The following KLHL14 variants were observed in gnomAD, a reference collection of about 807,000 sequenced individuals.
KLHL14 encodes kelch like family member 14, also known as kelch-like protein 14.
In KLHL14, 22 loss-of-function variants were observed where a neutral mutation model predicts 64.3. That is an observed-to-expected ratio of 0.34 (90% CI 0.24 to 0.49). KLHL14 has a LOEUF of 0.49. Ranked by LOEUF, KLHL14 falls within the 20% of genes least tolerant of loss-of-function variation. The pLI, the probability that KLHL14 is intolerant of heterozygous loss-of-function variation, is 0.99. For synonymous variants in KLHL14, 322 were observed against 333.4 expected, an observed-to-expected ratio of 0.97 and a Z score of 0.37; for missense variants, 661 against 789.0, an observed-to-expected ratio of 0.84 and a Z score of 1.94.
chr18:32,702,674 C>A (rs1465701506), intron 3 of KLHL14, among the ~76,000 whole-genome samples: 1 of 152,026 alleles, frequency 6.6e-6, no homozygotes, highest in East Asian at 1.9e-4. Flanking sequence ...TAAATGGAAA[C>A]ATTTTGTGTA....
Position 32,770,301 on chromosome 18 carries a change from C to T in KLHL14, c.291G>A (p.Gln97=), listed in dbSNP as rs2050374846. Residue 97 remains glutamine (Q), a synonymous_variant, in exon 2 of 9, where the codon CAG becomes CAA. Transcript: ENST00000359358. This position sits in a 1 kb window ranked among gnomAD's most constrained non-coding sequence, Gnocchi z 6.7. ...PPQQQPSQQQ[Q]PPPQEEPGTP... is the part of the protein sequence containing the mutation. Reference sequence around the variant, plus strand: ...TCCCGGGCTCCTCCTGCGGCGGCGGCTGCTGCTGCTGTGACGGCTGCTGCT... The same window carrying T: ...TCCCGGGCTCCTCCTGCGGCGGCGGTTGCTGCTGCTGTGACGGCTGCTGCT... The T allele has an allele frequency of 6.9e-6, 11 of 1,583,486 alleles. No individual in the cohort carries two copies. Among genetic ancestry groups the T allele is most frequent in the Non-Finnish European group, 9.4e-6 (11 of 1,164,680 alleles).
At chr18:32,676,542 G>A (rs528611141) in intron 8 of KLHL14, among the ~76,000 whole-genome samples, 25 of 152,228 alleles carry the variant, frequency 1.6e-4, no homozygotes, top group Admixed American at 5.2e-4. Flanking sequence ...GTAAGTTAAT[G>A]ATTTTTAAAA....
rs1408485265 is a variant in KLHL14 at position 32,680,434 on chromosome 18, C to T, written c.1404G>A (p.Val468=). The part of the protein sequence containing the change: ...PQPLAAHAGA[V]HNGKIYISGG... ...CTGAAATGTATATTTTCCCATTGTG[C>T]ACTGCTCCCGCATGAGCCGCCAGAG... Residue 468 remains valine, a synonymous_variant, in exon 6 of 9, where the codon GTG becomes GTA. Coordinates refer to ENST00000359358, the MANE Select transcript of KLHL14 (RefSeq NM_020805.3). This position sits in a 1 kb window ranked among gnomAD's most constrained non-coding sequence, Gnocchi z 4.8. 2 of 1,613,974 alleles carry T rather than the reference C, an allele frequency of 1.2e-6. No individual in the cohort carries two copies. The highest frequency in any genetic ancestry group is 2.2e-5 in the East Asian group (1 of 44,872).
intron 3 of KLHL14, among the ~76,000 whole-genome samples, chr18:32,711,696 C>A (rs2050020252): frequency 6.6e-6 from 1 of 152,134 alleles, no homozygotes; most frequent in Admixed American, 6.6e-5. Context: ...ATCCATTAAG[C>A]CTGACTCTTT....
At chr18:32,739,555 GT>G (rs1231392943) in intron 3 of KLHL14, among the ~76,000 whole-genome samples, 3 of 152,032 alleles carry the variant, frequency 2.0e-5, no homozygotes, top group Non-Finnish European at 4.4e-5. Flanking sequence ...GTTAAGTAGA[GT>G]AAACATTTAT....
intron 4 of KLHL14, among the ~76,000 whole-genome samples, chr18:32,690,442 G>T (rs1431631240): frequency 6.6e-6 from 1 of 152,098 alleles, no homozygotes; most frequent in East Asian, 1.9e-4. Context: ...AAGACAGCCA[G>T]GTTTTGGCTG....
At chr18:32,742,542 TTAG>T (rs2050204284) in intron 2 of KLHL14, among the ~76,000 whole-genome samples, 2 of 152,306 alleles carry the variant, frequency 1.3e-5, no homozygotes, top group South Asian at 4.1e-4. Flanking sequence ...TTTGGTACAA[TTAG>T]TAGCACAGGG....
At chr18:32,732,363 A>C (rs1186786131) in intron 3 of KLHL14, among the ~76,000 whole-genome samples, 2 of 152,268 alleles carry the variant, frequency 1.3e-5, no homozygotes, top group African/African-American at 4.8e-5. Flanking sequence ...TCACAGGAGA[A>C]GTGAGAATAT....
intron 5 of KLHL14, among the ~76,000 whole-genome samples, chr18:32,684,460 T>C (rs2049860677): frequency 6.6e-6 from 1 of 151,868 alleles, no homozygotes; most frequent in Non-Finnish European, 1.5e-5. Flanking sequence ...GCCCCGTCAA[T>C]CTTGCAGCTC....
At position 32,680,742 on chromosome 18, in the gene KLHL14, T is replaced by C. The variant is rs1438458027; in HGVS notation, c.1239-143A>G. On this transcript the variant is annotated intron_variant, in intron 5 of 8. Coordinates refer to ENST00000359358, the MANE Select transcript of KLHL14 (RefSeq NM_020805.3). This position sits in a 1 kb window ranked among gnomAD's most constrained non-coding sequence, Gnocchi z 4.8. ...GTTGCAAATCTTTAAAAATTACACGTATACCTTATAATTCTGAGACCTTCT... is the reference window on the plus strand; with the variant it reads ...GTTGCAAATCTTTAAAAATTACACGCATACCTTATAATTCTGAGACCTTCT... 1.4e-6 allele frequency: 1 copy of C among 704,982 alleles called. No individual in the cohort carries two copies. Among genetic ancestry groups the C allele is most frequent in the Non-Finnish European group, 2.3e-6 (1 of 430,166 alleles). The allele number at this position is 704,982 out of a possible 1,614,324, so 43.7% of individuals were successfully genotyped here. A position where few individuals can be genotyped will look rare whatever the true frequency, so the allele number is the denominator to read the frequency against.
Position 32,695,477 on chromosome 18 carries a change from TG to T in KLHL14, c.1144del (p.Gln382SerfsTer47). ...NFLFVLGGED[Q>X]WNPNGKHSTN... The stretch of plus-strand genomic sequence containing the variant: ...TCAATAGTTACCATTCGGATTCCAC[TG>T]GTCCTCTCCACCCAACACGAACAAG... On this transcript the variant is annotated frameshift_variant, in exon 4 of 9. Transcript: ENST00000359358. LOFTEE classifies it high-confidence loss of function. The T allele has an allele frequency of 6.2e-7, 1 of 1,610,484 alleles. No homozygotes were observed. The highest frequency in any genetic ancestry group is 8.5e-7 in the Non-Finnish European group (1 of 1,176,900).
intron 4 of KLHL14, among the ~76,000 whole-genome samples, chr18:32,693,400 A>G (rs2049919072): frequency 8.2e-6 from 1 of 121,546 alleles, no homozygotes; most frequent in Non-Finnish European, 1.8e-5. Context: ...ACACACACAC[A>G]CACACACACA....
chr18:32,721,962 G>C (rs1266965992), intron 3 of KLHL14, among the ~76,000 whole-genome samples: 1 of 152,110 alleles, frequency 6.6e-6, no homozygotes. Flanking sequence ...CTCATGTCAT[G>C]GGAGGGATCC....
At chr18:32,685,756 T>C (rs1404567071) in intron 5 of KLHL14, among the ~76,000 whole-genome samples, 2 of 152,208 alleles carry the variant, frequency 1.3e-5, no homozygotes, top group Non-Finnish European at 2.9e-5. Flanking sequence ...TTAATATATT[T>C]ACCAGTATAT....
chr18:32,747,893 A>G (rs1568081665), intron 2 of KLHL14, among the ~76,000 whole-genome samples: 1 of 152,114 alleles, frequency 6.6e-6, no homozygotes, highest in African/African-American at 2.4e-5. Context: ...ATGCGTGACT[A>G]TTTTTTAACA....
chr18:32,761,393 C>CTTTTTTTTT (rs10676001), intron 2 of KLHL14, among the ~76,000 whole-genome samples: 1 of 127,088 alleles, frequency 7.9e-6, no homozygotes. Flanking sequence ...GCCACACATC[C>CTTTTTTTTT]TTTTTTTTTT....
chr18:32,720,908 T>C (rs1359790039), intron 3 of KLHL14, among the ~76,000 whole-genome samples: 1 of 152,208 alleles, frequency 6.6e-6, no homozygotes, highest in Non-Finnish European at 1.5e-5. Flanking sequence ...CTTCTTCACA[T>C]GTTTATAATG....
chr18:32,759,166 T>C (rs761143564), intron 2 of KLHL14, among the ~76,000 whole-genome samples: 1 of 152,212 alleles, frequency 6.6e-6, no homozygotes, highest in African/African-American at 2.4e-5. Flanking sequence ...AATTTTCTGA[T>C]GGCATGAATA....
At chr18:32,738,670 C>A (rs1045234357) in intron 3 of KLHL14, 2 of 152,084 alleles carry the variant, frequency 1.3e-5, no homozygotes, top group African/African-American at 4.8e-5. Context: ...TCTGTGCCAG[C>A]ATGTTACCAA....
Sources: allele counts gnomAD v4.1 joint callset (sites outside exome capture counted in the v4.1 genomes callset), GRCh38; gene constraint gnomAD v4.1.1; non-coding constraint Gnocchi (gnomAD v3.1); transcripts MANE v1.5; gene names NCBI Gene and HGNC (gene_info 2026-07-23, HGNC 2026-07-21).